Variants in KRT7 observed in about 807,000 individuals in gnomAD.
The protein encoded by KRT7 is keratin 7.
A neutral mutation model predicts 42.8 loss-of-function variants in KRT7; 50 were observed. The ratio of observed to expected loss-of-function variants is 1.17; its 90% CI spans 0.93 to 1.48. KRT7 has a LOEUF of 1.48. Ranked by LOEUF, KRT7 falls within the 40% of genes most tolerant of loss-of-function variation. KRT7 has a pLI of 0.00. For missense variants in KRT7, 588 were observed against 637.6 expected (o/e 0.92, Z 0.84); for synonymous variants, 268 against 266.3 (o/e 1.01, Z -0.06).
At chr12:52,250,622 G>A (rs1391127695), downstream of KRT7, 10 of 919,552 alleles carry the variant, frequency 1.1e-5, no homozygotes, top group South Asian at 8.3e-5. Flanking sequence ...ATAAGACCCC[G>A]CCGCGAGAGC....
chr12:52,238,909 A>C (rs980893613), intron 4 of KRT7, 134 bp downstream of exon 4: 4 of 624,860 alleles, frequency 6.4e-6, no homozygotes, highest in Non-Finnish European at 1.2e-5. Context: ...GTCCAAACCC[A>C]AAGAATGGAC....
At chr12:52,249,115 A>G (rs1184819630), downstream of KRT7, among the ~76,000 whole-genome samples, 4 of 152,286 alleles carry the variant, frequency 2.6e-5, no homozygotes, top group African/African-American at 4.8e-5. Context: ...GCTGATCCCA[A>G]AGATTCTCCT....
At chr12:52,247,183 T>C (rs189669398) in intron 7 of KRT7, 2 of 151,514 alleles carry the variant, frequency 1.3e-5, no homozygotes, top group Non-Finnish European at 2.9e-5. Flanking sequence ...TTACTTAGAA[T>C]GAGAAAAGTC....
At position 52,237,528 on chromosome 12, in the gene KRT7, C is replaced by T. The variant is rs184504813; in HGVS notation, c.556C>T (p.His186Tyr). The T allele has an allele frequency of 6.3e-5, 102 of 1,611,970 alleles. No individual in the cohort carries two copies. In the Admixed American group the frequency reaches 8.2e-4, roughly 13 times the overall value. Residue 186 changes from histidine to tyrosine, a missense_variant, in exon 3 of 9, where the codon CAC becomes TAC. His to Tyr is a moderately conservative substitution (Grantham distance 83). Transcript: ENST00000331817. ...CTGTAGGTACGAAGATGAAATTAAC[C>T]ACCGCACAGCTGCTGAGAATGAGTT... ...FKNKYEDEIN[H>Y]RTAAENEFVV... is the part of the protein sequence containing the mutation.
chr12:52,251,582 G>A (rs559995639), downstream of KRT7, among the ~76,000 whole-genome samples: 17 of 152,352 alleles, frequency 1.1e-4, no homozygotes, highest in African/African-American at 3.8e-4. Context: ...AAAGGCAACT[G>A]TAACACCATG....
intron 1 of KRT7, 68 bp from the exon 2 acceptor site, chr12:52,235,087 T>G (rs1316202396): frequency 6.8e-7 from 1 of 1,464,228 alleles, no homozygotes; most frequent in Non-Finnish European, 9.5e-7. Flanking sequence ...AAAGATGATG[T>G]TCCTCAATCC....
chr12:52,249,007 CT>C, downstream of KRT7: 1 of 356,998 alleles, frequency 2.8e-6, no homozygotes, highest in Non-Finnish European at 5.0e-6. Flanking sequence ...ACTAGGAAGC[CT>C]TTTGTGCAGG....
intron 4 of KRT7, 147 bp from the exon 5 acceptor site, chr12:52,241,325 T>G: frequency 1.6e-6 from 1 of 627,860 alleles, no homozygotes; most frequent in South Asian, 2.2e-5. Flanking sequence ...ACTTAATGTG[T>G]GCTGGGTCTG....
At chr12:52,250,556 G>A, downstream of KRT7, 1 of 1,234,666 alleles carries the variant, frequency 8.1e-7, no homozygotes, top group South Asian at 1.3e-5. Flanking sequence ...CGCTGCAGGG[G>A]GCACTGCAGA....
chr12:52,252,385 G>A (rs1486587050), downstream of KRT7: 3 of 1,614,140 alleles, frequency 1.9e-6, no homozygotes, highest in Non-Finnish European at 2.5e-6. Context: ...GCCTTCTGCA[G>A]GGCACCCTCC....
At chr12:52,251,597 G>A (rs1942267507), downstream of KRT7, among the ~76,000 whole-genome samples, 1 of 152,214 alleles carries the variant, frequency 6.6e-6, no homozygotes, top group Non-Finnish European at 1.5e-5. Flanking sequence ...ACCATGGTAG[G>A]TATTTGTGTA....
At chr12:52,252,361 C>G (rs775237733), downstream of KRT7, 1 of 1,614,094 alleles carries the variant, frequency 6.2e-7, no homozygotes, top group African/African-American at 1.3e-5. Flanking sequence ...ATCAGGCAGG[C>G]CATGTCCTGC....
chr12:52,235,514 C>A, intron 2 of KRT7, 148 bp downstream of exon 2: 1 of 650,978 alleles, frequency 1.5e-6, no homozygotes, highest in Non-Finnish European at 2.6e-6. Context: ...TTGACCAACA[C>A]ATTTCCTGCC....
In KRT7 at chr12:52,248,279, A is replaced by G. The variant is rs1942206748; in HGVS notation, c.1240+68A>G. The G allele has an allele frequency of 2.2e-5, 34 of 1,514,872 alleles. 2 individuals are homozygous for G. The South Asian group carries it at 2.7e-4, about 12-fold the overall frequency. 93.8% of individuals were successfully genotyped at this position (1,514,872 alleles called of 1,614,324 possible). ...GTTTAGATGGGGCTGGGTCTAGAGAATGGCAGACTGGCCCAGGGCCCTGCT... is the reference window on the plus strand; with the variant it reads ...GTTTAGATGGGGCTGGGTCTAGAGAGTGGCAGACTGGCCCAGGGCCCTGCT... On this transcript the variant is annotated intron_variant, in intron 8 of 8. Transcript: ENST00000331817.
chr12:52,250,649 AG>A (rs1451275892), downstream of KRT7: 2 of 743,906 alleles, frequency 2.7e-6, no homozygotes, highest in Non-Finnish European at 2.3e-6. Flanking sequence ...CACCTGCCAG[AG>A]GGGGAGGACA....
chr12:52,233,331 C>T lies in KRT7; in HGVS notation c.35C>T (p.Ser12Leu), dbSNP rs754875031. ...CACTTCAGCTCCCCGGTATTCACCT[C>T]GCGCTCAGCCGCCTTCTCGGGCCGC... The part of the protein sequence containing the change: ...SIHFSSPVFT[S>L]RSAAFSGRGA... Residue 12 changes from serine to leucine, a missense_variant, in exon 1 of 9, where the codon TCG (serine) becomes TTG (leucine). Physicochemically the swap from Ser to Leu is moderately radical, Grantham distance 145. Transcript: ENST00000331817. The T allele has an allele frequency of 1.8e-5, 29 of 1,570,256 alleles. No individual in the cohort carries two copies. In the South Asian group the frequency reaches 3.0e-4, roughly 16 times the overall value.
At chr12:52,236,440 G>A (rs1038140314) in intron 2 of KRT7, among the ~76,000 whole-genome samples, 1 of 151,876 alleles carries the variant, frequency 6.6e-6, no homozygotes, top group African/African-American at 2.4e-5. Context: ...GACTGAAAGA[G>A]GAACTGGAAG....
chr12:52,235,586 C>A (rs1455481331), intron 2 of KRT7, among the ~76,000 whole-genome samples: 1 of 152,212 alleles, frequency 6.6e-6, no homozygotes, highest in African/African-American at 2.4e-5. Flanking sequence ...TTTCCCCTGA[C>A]TCAGTCCCAG....
chr12:52,255,230 TCCGAA>T, downstream of KRT7: 1 of 402,678 alleles, frequency 2.5e-6, no homozygotes, highest in Non-Finnish European at 5.0e-6. Flanking sequence ...CCTCCACCTC[TCCGAA>T]CTACAGAGAG....
Sources: gnomAD v4.1 joint callset for allele counts (sites outside exome capture counted in the v4.1 genomes callset) on GRCh38, gnomAD v4.1.1 for gene constraint, MANE v1.5 for transcripts, NCBI Gene and HGNC (gene_info 2026-07-23, HGNC 2026-07-21) for gene names.